The following CACNA2D3 variants were observed in gnomAD, a reference collection of about 807,000 sequenced individuals.
The protein encoded by CACNA2D3 is voltage-dependent calcium channel subunit alpha-2/delta-3.
CACNA2D3 carries 60 observed loss-of-function variants against 160.6 expected under a neutral mutation model. That is an observed-to-expected ratio of 0.37 (90% confidence interval 0.30 to 0.46). The LOEUF (loss-of-function observed/expected upper bound fraction) is 0.46. Among genes scored for constraint, CACNA2D3 ranks in the 20% least tolerant of loss-of-function variants. The probability of loss-of-function intolerance (pLI) is 1.00; values close to 1 mark genes in which losing one functional copy is unlikely to be tolerated. For synonymous variants in CACNA2D3, 558 were observed against 492.9 expected (o/e 1.13, Z -1.75); for missense variants, 1,205 against 1,365.0 (o/e 0.88, Z 1.85).
intron 14 of CACNA2D3, among the ~76,000 whole-genome samples, chr3:54,831,544 A>G (rs751808801): frequency 6.6e-6 from 1 of 152,254 alleles, no homozygotes; most frequent in Non-Finnish European, 1.5e-5. Flanking sequence ...ACTTCTACTC[A>G]TTGTGAAGGC....
At chr3:54,577,778 G>C (rs1313492484) in intron 8 of CACNA2D3, among the ~76,000 whole-genome samples, 1 of 152,148 alleles carries the variant, frequency 6.6e-6, no homozygotes, top group East Asian at 1.9e-4. Context: ...CAACACAAAA[G>C]CTGAGGCCAA....
At chr3:55,067,806 C>T (rs924733455) in intron 35 of CACNA2D3, among the ~76,000 whole-genome samples, 11 of 152,126 alleles carry the variant, frequency 7.2e-5, no homozygotes, top group African/African-American at 2.2e-4. Context: ...TTTGTACTCA[C>T]TTTATGTATA....
chr3:54,946,527 A>G (rs1263992071), intron 27 of CACNA2D3, among the ~76,000 whole-genome samples: 1 of 152,176 alleles, frequency 6.6e-6, no homozygotes, highest in Non-Finnish European at 1.5e-5. Context: ...AAAGAAGAGA[A>G]AGCCTCTTAG....
intron 8 of CACNA2D3, among the ~76,000 whole-genome samples, chr3:54,577,033 C>T (rs539499713): frequency 1.6e-4 from 24 of 151,850 alleles, no homozygotes; most frequent in South Asian, 1.5e-3. Flanking sequence ...GAGTGGGACC[C>T]GCGTTTCAAA....
intron 5 of CACNA2D3, among the ~76,000 whole-genome samples, chr3:54,518,777 G>A (rs1376153440): frequency 6.6e-6 from 1 of 152,106 alleles, no homozygotes; most frequent in Non-Finnish European, 1.5e-5. Context: ...CCTCCCAGAT[G>A]TCACTTGAGT....
chr3:54,730,762 C>T (rs1394808938), intron 11 of CACNA2D3, among the ~76,000 whole-genome samples: 1 of 152,140 alleles, frequency 6.6e-6, no homozygotes, highest in Admixed American at 6.5e-5. Flanking sequence ...CTTGGCCTCC[C>T]CAAGTGCTGG....
intron 4 of CACNA2D3, among the ~76,000 whole-genome samples, chr3:54,481,176 G>A (rs1036351555): frequency 1.3e-5 from 2 of 152,144 alleles, no homozygotes; most frequent in African/African-American, 2.4e-5. Context: ...TGGCTAGGCT[G>A]CCTCTAGATA....
intron 13 of CACNA2D3, among the ~76,000 whole-genome samples, chr3:54,813,522 C>T (rs1703378823): frequency 6.6e-6 from 1 of 152,100 alleles, no homozygotes; most frequent in East Asian, 1.9e-4. Context: ...TGAAGGCCAT[C>T]AGCTTGGGTG....
At position 54,899,882 on chromosome 3, in the gene CACNA2D3, T is replaced by C. The variant is rs774215186; in HGVS notation, c.2449+14T>C. 7.0e-6 allele frequency: 11 copies of C among 1,563,096 alleles called. No homozygotes were observed. Among genetic ancestry groups the C allele is most frequent in the Non-Finnish European group, 9.6e-6 (11 of 1,145,322 alleles). On this transcript the variant is annotated intron_variant, in intron 27 of 37. Coordinates refer to ENST00000474759, the MANE Select transcript of CACNA2D3 (RefSeq NM_018398.3). ...CTGTGGTGGCAGGTAAATAATTGAT[T>C]GAATCCATGAAGACAAAGTAAGCAT...
chr3:54,390,596 T>C (rs1699262319), intron 4 of CACNA2D3, among the ~76,000 whole-genome samples: 1 of 152,240 alleles, frequency 6.6e-6, no homozygotes. Flanking sequence ...AACTCCTCTA[T>C]GGGTCAAAGT....
At position 54,947,034 on chromosome 3, in the gene CACNA2D3, C is replaced by A. The variant is rs140489892; in HGVS notation, c.2450-21416C>A. Among the ~76,000 whole-genome samples, 197 of 152,292 alleles carry A rather than the reference C, an allele frequency of 1.3e-3. 1 individual carries two copies. The highest frequency in any genetic ancestry group is 9.9e-3 in the East Asian group (51 of 5,176). On this transcript the variant is annotated intron_variant, in intron 27 of 37. Transcript: ENST00000474759. ...GACAAGTAATTGGGTCATCAATAATCTTTTCTGGAACCCCATAATGAAAGT... is the reference window on the plus strand; with the variant it reads ...GACAAGTAATTGGGTCATCAATAATATTTTCTGGAACCCCATAATGAAAGT...
intron 27 of CACNA2D3, chr3:54,918,594 G>A (rs1700734691): frequency 6.2e-7 from 1 of 1,613,992 alleles, no homozygotes; most frequent in South Asian, 1.1e-5. Context: ...CCAACATCAT[G>A]AGACACACAA....
At chr3:54,897,502 A>T (rs2106881832) in intron 26 of CACNA2D3, among the ~76,000 whole-genome samples, 1 of 149,768 alleles carries the variant, frequency 6.7e-6, no homozygotes, top group South Asian at 2.1e-4. Context: ...TTTTCCTCGT[A>T]TTTTTTTTTT....
At chr3:54,150,657 T>C (rs1431697626) in intron 2 of CACNA2D3, among the ~76,000 whole-genome samples, 1 of 152,236 alleles carries the variant, frequency 6.6e-6, no homozygotes, top group African/African-American at 2.4e-5. Context: ...CTTTAAATGG[T>C]AGAGCCATGG....
Position 54,403,356 on chromosome 3 carries a change from AACACACACAC to A in CACNA2D3, c.381+16615_381+16624del, listed in dbSNP as rs55779518. 6.6e-3 allele frequency among the ~76,000 whole-genome samples: 907 copies of A among 137,680 alleles called. 6 individuals carry two copies. The highest frequency in any genetic ancestry group is 9.4e-3 in the Non-Finnish European group (602 of 63,894). 90.3% of individuals were successfully genotyped at this position (137,680 alleles called of 152,430 possible). On this transcript the variant is annotated intron_variant, in intron 4 of 37. Coordinates refer to ENST00000474759, the MANE Select transcript of CACNA2D3 (RefSeq NM_018398.3). ...GGTGACAGAGCCGGACCCTATCTCA[AACACACACAC>A]ACACACACACACACACACACACACA...
At chr3:54,862,195 C>T (rs144461612) in intron 17 of CACNA2D3, among the ~76,000 whole-genome samples, 200 of 152,182 alleles carry the variant, frequency 1.3e-3, no homozygotes, top group African/African-American at 4.6e-3. Flanking sequence ...AGAAGGGCCA[C>T]CCCATTTGAG....
chr3:54,391,268 G>T (rs1330467861), intron 4 of CACNA2D3, among the ~76,000 whole-genome samples: 1 of 152,112 alleles, frequency 6.6e-6, no homozygotes, highest in Non-Finnish European at 1.5e-5. Context: ...AATTCCCCTT[G>T]CCATCTTTTC....
chr3:54,262,164 A>G (rs1702412719), intron 2 of CACNA2D3, among the ~76,000 whole-genome samples: 2 of 152,148 alleles, frequency 1.3e-5, no homozygotes, highest in Non-Finnish European at 2.9e-5. Flanking sequence ...TATAGCAAGG[A>G]TGGGTAGATT....
At chr3:54,919,505 G>A (rs774296963) in intron 27 of CACNA2D3, among the ~76,000 whole-genome samples, 3 of 152,068 alleles carry the variant, frequency 2.0e-5, no homozygotes, top group Non-Finnish European at 4.4e-5. Context: ...GAACATTTAC[G>A]GCTTTGAATA....
Sources: allele counts gnomAD v4.1 joint callset (sites outside exome capture counted in the v4.1 genomes callset), GRCh38; gene constraint gnomAD v4.1.1; transcripts MANE v1.5; gene names NCBI Gene and HGNC (gene_info 2026-07-23, HGNC 2026-07-21).